The following CFTR variants were observed in gnomAD, a reference collection of about 807,000 sequenced individuals.
The protein encoded by CFTR is CF transmembrane conductance regulator.
Under a neutral mutation model 171.6 loss-of-function variants are expected in CFTR, and 181 were observed. That is an observed-to-expected ratio of 1.05 (90% CI 0.93 to 1.19). The LOEUF is 1.19. Ranked by LOEUF, CFTR falls within the 50% of genes most tolerant of loss-of-function variation. The pLI is 0.00. For synonymous variants in CFTR, 583 were observed against 608.0 expected (o/e 0.96, Z 0.60); for missense variants, 1,968 against 1,734.7 (o/e 1.13, Z -2.39).
intron 23 of CFTR, among the ~76,000 whole-genome samples, chr7:117,650,789 G>A (rs1162703840): frequency 6.6e-6 from 1 of 152,104 alleles, no homozygotes; most frequent in African/African-American, 2.4e-5. Flanking sequence ...TTTAAATAAA[G>A]AATATGCTGC....
chr7:117,594,622 T>C (rs1365793708), intron 14 of CFTR, among the ~76,000 whole-genome samples: 1 of 152,184 alleles, frequency 6.6e-6, no homozygotes, highest in Non-Finnish European at 1.5e-5. Context: ...TGATAAAAGG[T>C]ATGCCACTGT....
At chr7:117,520,838 G>C (rs1015549037) in intron 3 of CFTR, among the ~76,000 whole-genome samples, 1 of 151,832 alleles carries the variant, frequency 6.6e-6, no homozygotes, top group Non-Finnish European at 1.5e-5. Flanking sequence ...TATTAGGATT[G>C]TTGCAAAAAT....
intron 12 of CFTR, among the ~76,000 whole-genome samples, 169 bp downstream of exon 12, chr7:117,588,002 A>G (rs192222644): frequency 6.6e-6 from 1 of 152,228 alleles, no homozygotes; most frequent in African/African-American, 2.4e-5. Context: ...AAATAATGGT[A>G]TAGTATCCAG....
intron 18 of CFTR, among the ~76,000 whole-genome samples, chr7:117,608,154 T>C (rs896564765): frequency 2.0e-5 from 3 of 152,158 alleles, no homozygotes; most frequent in African/African-American, 7.2e-5. Flanking sequence ...TTTTGACATA[T>C]GTGATGGCTC....
chr7:117,572,461 C>A (rs1288820404), intron 11 of CFTR, among the ~76,000 whole-genome samples: 6 of 152,114 alleles, frequency 3.9e-5, no homozygotes, highest in Non-Finnish European at 1.5e-5. Flanking sequence ...ATTTTAATTT[C>A]TGAATTATTT....
intron 8 of CFTR, among the ~76,000 whole-genome samples, chr7:117,540,899 T>C (rs1212335384): frequency 1.3e-5 from 2 of 152,122 alleles, no homozygotes; most frequent in Non-Finnish European, 2.9e-5. Flanking sequence ...TTTAAAAAAT[T>C]TGTATTGGTT....
intron 11 of CFTR, among the ~76,000 whole-genome samples, chr7:117,578,171 C>A (rs913699657): frequency 4.0e-5 from 6 of 151,884 alleles, no homozygotes; most frequent in Admixed American, 3.3e-4. Flanking sequence ...TTGAACTATG[C>A]AGGTCCACTT....
chr7:117,639,008 A>G lies in CFTR; in HGVS notation c.3718-3430A>G, dbSNP rs189261686. 2.7e-3 allele frequency among the ~76,000 whole-genome samples: 407 copies of G among 152,130 alleles called. 4 individuals carry two copies. The highest frequency in any genetic ancestry group is 9.2e-3 in the African/African-American group (382 of 41,530). On this transcript the variant is annotated intron_variant, in intron 22 of 26. Transcript: ENST00000003084. ...TTTAGGCTGCCCTTCTTGGGGGGGA[A>G]AAAAGCAGTTGAAATTTAGGACTTA...
chr7:117,653,297 C>A (rs1272864052), intron 24 of CFTR, among the ~76,000 whole-genome samples: 1 of 152,170 alleles, frequency 6.6e-6, no homozygotes, highest in African/African-American at 2.4e-5. Context: ...AACCATCAGG[C>A]CCTATCTTGG....
intron 19 of CFTR, 149 bp from the exon 20 acceptor site, chr7:117,611,432 A>G (rs984529947): frequency 3.1e-6 from 2 of 644,158 alleles, no homozygotes; most frequent in Admixed American, 5.0e-5. Flanking sequence ...ATCTATTCAA[A>G]GAATGGCACC....
intron 23 of CFTR, among the ~76,000 whole-genome samples, chr7:117,649,956 C>A (rs35346641): frequency 2.0e-5 from 3 of 151,962 alleles, no homozygotes; most frequent in African/African-American, 7.3e-5. Context: ...ATGAGATTCC[C>A]AAGCAATAGG....
Position 117,603,729 on chromosome 7 carries a change from T to C in CFTR, c.2855T>C (p.Met952Thr), listed in dbSNP as rs142773283. 3.7e-4 allele frequency: 595 copies of C among 1,613,954 alleles called. 1 individual carries two copies. Among genetic ancestry groups the C allele is most frequent in the Non-Finnish European group, 4.9e-4 (575 of 1,179,960 alleles). The change falls in exon 17 of 27, where the codon ATG becomes ACG. Residue 952 changes from methionine to threonine, a missense_variant. Physicochemically the swap from Met to Thr is moderately conservative, Grantham distance 81. Coordinates refer to ENST00000003084, the MANE Select transcript of CFTR (RefSeq NM_000492.4). ...GTGTCGAAAATTTTACACCACAAAA[T>C]GTTACATTCTGTTCTTCAAGCACCT... ...ITVSKILHHK[M>T]LHSVLQAPMS...
chr7:117,520,484 A>G (rs1468327743), intron 3 of CFTR, among the ~76,000 whole-genome samples: 1 of 151,894 alleles, frequency 6.6e-6, no homozygotes, highest in Non-Finnish European at 1.5e-5. Flanking sequence ...TGTATGAGGT[A>G]GAAATCTAAT....
At chr7:117,547,942 C>T (rs373677944) in intron 9 of CFTR, among the ~76,000 whole-genome samples, 16 of 152,120 alleles carry the variant, frequency 1.1e-4, no homozygotes, top group East Asian at 3.8e-4. Context: ...TCCTCCTGAT[C>T]AATCTTTAGG....
chr7:117,590,547 G>A, intron 13 of CFTR, 108 bp downstream of exon 13: 12 of 1,344,650 alleles, frequency 8.9e-6, no homozygotes, highest in Admixed American at 2.1e-5. Context: ...GTTCACCATT[G>A]TTGGTATGGC....
chr7:117,577,680 C>T (rs1791792238), intron 11 of CFTR, among the ~76,000 whole-genome samples: 1 of 152,052 alleles, frequency 6.6e-6, no homozygotes. Context: ...ACCACAGCTG[C>T]TATGCAAAAT....
intron 11 of CFTR, among the ~76,000 whole-genome samples, chr7:117,572,589 TTC>T (rs1278090443): frequency 2.0e-5 from 3 of 152,034 alleles, no homozygotes; most frequent in South Asian, 2.1e-4. Flanking sequence ...TGTTACTTCA[TTC>T]TCTCTCTCTT....
intron 9 of CFTR, among the ~76,000 whole-genome samples, chr7:117,545,673 G>A (rs1034221638): frequency 3.9e-5 from 6 of 152,134 alleles, no homozygotes; most frequent in Non-Finnish European, 8.8e-5. Context: ...AACATATTAG[G>A]AAGCTGAGGC....
Position 117,667,229 on chromosome 7 carries a change from T to C in CFTR, c.*121T>C. 1.1e-6 allele frequency: 1 copy of C among 903,430 alleles called. No homozygotes were observed. Among genetic ancestry groups the C allele is most frequent in the Non-Finnish European group, 1.7e-6 (1 of 588,618 alleles). The allele number at this position is 903,430 out of a possible 1,614,324, so 56.0% of individuals were successfully genotyped here. A position where few individuals can be genotyped will look rare whatever the true frequency, so the allele number is the denominator to read the frequency against. Reference sequence around the variant, plus strand: ...TCTGCCTCAGAAAACAAGGATGAATTAAGTTTTTTTTTAAAAAAGAAACAT... The same window carrying C: ...TCTGCCTCAGAAAACAAGGATGAATCAAGTTTTTTTTTAAAAAAGAAACAT... On this transcript the variant is annotated 3_prime_UTR_variant, in exon 27 of 27. Transcript: ENST00000003084.
Sources: gnomAD v4.1 joint callset for allele counts (sites outside exome capture counted in the v4.1 genomes callset) on GRCh38, gnomAD v4.1.1 for gene constraint, MANE v1.5 for transcripts, NCBI Gene and HGNC (gene_info 2026-07-23, HGNC 2026-07-21) for gene names.